Variants in CFAP70 observed in about 807,000 individuals in gnomAD.
CFAP70 encodes cilia and flagella associated protein 70, also known as cilia- and flagella-associated protein 70.
Under a neutral mutation model 137.6 loss-of-function variants are expected in CFAP70, and 81 were observed. That is an observed-to-expected ratio of 0.59 (90% CI 0.49 to 0.71). CFAP70 has a LOEUF of 0.71. Among genes scored for constraint, CFAP70 ranks in the 30% least tolerant of loss-of-function variants. The pLI is 0.00. For synonymous variants in CFAP70, 382 were observed against 423.6 expected (o/e 0.90, Z 1.20); for missense variants, 976 against 1,226.7 (o/e 0.80, Z 3.05).
chr10:73,330,683 C>G (rs756175232), intron 8 of CFAP70, among the ~76,000 whole-genome samples: 1 of 151,972 alleles, frequency 6.6e-6, no homozygotes, highest in Non-Finnish European at 1.5e-5. Context: ...AATCAGCTTA[C>G]TACATGACCC....
rs1253458738 is a variant in CFAP70, at chr10:73,316,481, GAT to G, written c.913-3840_913-3839del. 5.1e-4 allele frequency among the ~76,000 whole-genome samples: 54 copies of G among 106,544 alleles called. 2 individuals carry two copies. Among genetic ancestry groups the G allele is most frequent in the African/African-American group, 1.9e-3 (52 of 28,052 alleles). 69.9% of individuals were successfully genotyped at this position (106,544 alleles called of 152,430 possible). A position where few individuals can be genotyped will look rare whatever the true frequency, so the allele number is the denominator to read the frequency against. On this transcript the variant is annotated intron_variant, in intron 9 of 26. Transcript: ENST00000310715. ...TTGTTGAGATATATATATATATATA[GAT>G]ATAGATATATATATATATATATATA...
chr10:73,288,275 T>C (rs2047899828), intron 19 of CFAP70, among the ~76,000 whole-genome samples: 1 of 152,118 alleles, frequency 6.6e-6, no homozygotes, highest in African/African-American at 2.4e-5. Context: ...GAACACAGAA[T>C]ACTAAGTTTT....
chr10:73,310,402 A>T (rs2049810516), intron 11 of CFAP70, 153 bp from the exon 13 acceptor site: 2 of 450,872 alleles, frequency 4.4e-6, no homozygotes, highest in Non-Finnish European at 7.8e-6. Context: ...TACTTTTCAC[A>T]TAGAAAAATA....
At chr10:73,298,870 A>C in intron 14 of CFAP70, 37 bp downstream of exon 15, 1 of 1,571,990 alleles carries the variant, frequency 6.4e-7, no homozygotes, top group Non-Finnish European at 8.7e-7. Flanking sequence ...TTGCTCCATA[A>C]ACACCCATGG....
chr10:73,306,878 G>A (rs1486724065), intron 12 of CFAP70, among the ~76,000 whole-genome samples: 2 of 152,148 alleles, frequency 1.3e-5, no homozygotes, highest in African/African-American at 4.8e-5. Flanking sequence ...CAGGACACTA[G>A]TCAGTAACTT....
chr10:73,281,348 A>G (rs948692170), intron 19 of CFAP70, among the ~76,000 whole-genome samples: 3 of 139,998 alleles, frequency 2.1e-5, no homozygotes, highest in African/African-American at 7.9e-5. Context: ...ACACCTGGCT[A>G]TTTTTTTTTT....
chr10:73,341,637 A>C (rs2053261861), intron 5 of CFAP70, 56 bp from the exon 7 acceptor site: 12 of 1,443,004 alleles, frequency 8.3e-6, no homozygotes, highest in Non-Finnish European at 1.2e-5. Flanking sequence ...TGAAATGGAC[A>C]AGAAGATTAT....
exon 11 of CFAP70, chr10:73,311,864 T>C (rs1474926181): frequency 5.0e-6 from 8 of 1,613,792 alleles, no homozygotes; most frequent in Non-Finnish European, 6.8e-6. Flanking sequence ...TTAGAGGGGG[T>C]TCACCTTCCA....
chr10:73,265,151 G>A (rs1398644352), intron 25 of CFAP70, among the ~76,000 whole-genome samples: 5 of 151,946 alleles, frequency 3.3e-5, no homozygotes. Context: ...CGGTGAAACC[G>A]TGTCTCTACT....
At chr10:73,342,003 A>T (rs1194791507) in intron 5 of CFAP70, among the ~76,000 whole-genome samples, 1 of 152,228 alleles carries the variant, frequency 6.6e-6, no homozygotes. Flanking sequence ...TGTTATTTAT[A>T]TTTATATGAG....
chr10:73,284,582 T>C (rs920584972), intron 19 of CFAP70, among the ~76,000 whole-genome samples: 2 of 150,794 alleles, frequency 1.3e-5, no homozygotes, highest in Non-Finnish European at 3.0e-5. Flanking sequence ...ACTATTTTCC[T>C]TTTTCTGCCT....
intron 26 of CFAP70, among the ~76,000 whole-genome samples, chr10:73,255,123 G>A (rs565421679): frequency 1.3e-5 from 2 of 152,156 alleles, no homozygotes; most frequent in African/African-American, 4.8e-5. Context: ...ATTTGGCCAG[G>A]CGTGGTGGCT....
At chr10:73,327,240 A>C (rs2132261689) in intron 8 of CFAP70, among the ~76,000 whole-genome samples, 1 of 151,326 alleles carries the variant, frequency 6.6e-6, no homozygotes, top group East Asian at 1.9e-4. Flanking sequence ...CAAAAACCAC[A>C]TGATTATCTC....
chr10:73,280,359 T>G (rs181551995), intron 19 of CFAP70, among the ~76,000 whole-genome samples: 1 of 152,292 alleles, frequency 6.6e-6, no homozygotes, highest in Non-Finnish European at 1.5e-5. Flanking sequence ...GTGTCTAGGC[T>G]TATGAAAGTT....
At chr10:73,362,302 T>C (rs907423991), upstream of CFAP70, among the ~76,000 whole-genome samples, 1 of 152,082 alleles carries the variant, frequency 6.6e-6, no homozygotes, top group Non-Finnish European at 1.5e-5. Context: ...AACTATAAAT[T>C]TGAGGGTTTT....
intron 4 of CFAP70, chr10:73,346,824 ATAAC>A (rs2053755970): frequency 6.6e-6 from 1 of 152,314 alleles, no homozygotes; most frequent in Non-Finnish European, 1.5e-5. Context: ...GAGGCAGTGA[ATAAC>A]TAATTATTTG....
At position 73,299,675 on chromosome 10, in the gene CFAP70, G is replaced by T; in HGVS notation, c.1257-10C>A. ...AATCATTTCCTTGACCCTGTATCAG[G>T]AAAGAAAAAAAATAAAAAAACAAAA... is the stretch of plus-strand genomic sequence containing the variant. On this transcript the variant is annotated splice_polypyrimidine_tract_variant and intron_variant, in intron 12 of 26. Coordinates refer to ENST00000310715, the Ensembl canonical transcript of CFAP70. 1.3e-6 allele frequency: 2 copies of T among 1,598,058 alleles called. No homozygotes were observed. Among genetic ancestry groups the T allele is most frequent in the Middle Eastern group, 1.7e-4 (1 of 5,972 alleles).
Position 73,331,175 on chromosome 10 carries a change from A to G in CFAP70, c.777+2T>C, listed in dbSNP as rs868822330. ...TAAATATTTTTGAGGGGGCATATTT[A>G]CCTTTTCAGTTTTGCCAGCTTTCCC... On this transcript the variant is annotated splice_donor_variant, in intron 8 of 26. Coordinates refer to ENST00000310715, the Ensembl canonical transcript of CFAP70. LOFTEE classifies it high-confidence loss of function. 1 of 1,605,300 alleles carries G rather than the reference A, an allele frequency of 6.2e-7. No individual in the cohort carries two copies. The highest frequency in any genetic ancestry group is 1.1e-5 in the South Asian group (1 of 90,460).
chr10:73,329,386 T>TGC (rs1022698085), intron 8 of CFAP70, among the ~76,000 whole-genome samples: 1 of 152,114 alleles, frequency 6.6e-6, no homozygotes, highest in Non-Finnish European at 1.5e-5. Context: ...ATATACCTAA[T>TGC]GCTAAATGAC....
Sources: allele counts gnomAD v4.1 joint callset (sites outside exome capture counted in the v4.1 genomes callset), GRCh38; gene constraint gnomAD v4.1.1; transcripts MANE v1.5; gene names NCBI Gene and HGNC (gene_info 2026-07-23, HGNC 2026-07-21).